ABCB1: variants seen among roughly 807,000 people sequenced by gnomAD.
ABCB1 encodes the protein ATP binding cassette subfamily B member 1.
In ABCB1, 69 loss-of-function variants were observed where a neutral mutation model predicts 142.0. That is an observed-to-expected ratio of 0.49 (90% CI 0.40 to 0.59). ABCB1 has a LOEUF of 0.59. ABCB1 is among the 20% of genes least tolerant of loss of function. The pLI, the probability that ABCB1 is intolerant of heterozygous loss-of-function variation, is 0.00. For missense variants in ABCB1, 1,326 were observed against 1,554.7 expected (o/e 0.85, Z 2.47); for synonymous variants, 532 against 539.2 (o/e 0.99, Z 0.18).
chr7:87,548,067 G>GGAAGA (rs1168197971), intron 14 of ABCB1, among the ~76,000 whole-genome samples: 20 of 140,524 alleles, frequency 1.4e-4, no homozygotes, highest in Admixed American at 7.4e-5. Flanking sequence ...GGAGAGGAGA[G>GGAAGA]GAAGAGAAGA....
At chr7:87,552,611 T>A (rs1039888382) in intron 9 of ABCB1, among the ~76,000 whole-genome samples, 1 of 149,766 alleles carries the variant, frequency 6.7e-6, no homozygotes, top group East Asian at 2.0e-4. Context: ...AAACATCTGT[T>A]ATGACAACCA....
intron 4 of ABCB1, among the ~76,000 whole-genome samples, chr7:87,577,686 G>A (rs1045231637): frequency 2.6e-4 from 40 of 152,156 alleles, no homozygotes; most frequent in Non-Finnish European, 2.6e-4. Context: ...ATGATGTTGA[G>A]CATATTTTCA....
intron 1 of ABCB1, chr7:87,628,746 G>T: frequency 1.1e-6 from 1 of 923,008 alleles, no homozygotes; most frequent in South Asian, 5.6e-5. Context: ...GTTGCGGACC[G>T]AGCGAGAACC....
chr7:87,555,147 A>G (rs1181344569), intron 8 of ABCB1, among the ~76,000 whole-genome samples: 1 of 152,224 alleles, frequency 6.6e-6, no homozygotes, highest in Non-Finnish European at 1.5e-5. Flanking sequence ...CTATGGAGAT[A>G]AGCTAATGGA....
At chr7:87,532,550 T>G (rs1013951265) in intron 20 of ABCB1, among the ~76,000 whole-genome samples, 1 of 152,274 alleles carries the variant, frequency 6.6e-6, no homozygotes, top group East Asian at 1.9e-4. Context: ...ACCAGCGCCA[T>G]GACAATTTAC....
intron 17 of ABCB1, 96 bp from the exon 18 acceptor site, chr7:87,541,560 G>A (rs1816538700): frequency 1.1e-5 from 10 of 878,490 alleles, no homozygotes; most frequent in Non-Finnish European, 1.5e-5. Context: ...TCAGGGGTCA[G>A]GAGAGCCTTA....
At chr7:87,629,237 AAG>A (rs1820956093) in intron 1 of ABCB1, 1 of 320,690 alleles carries the variant, frequency 3.1e-6, no homozygotes, top group South Asian at 1.6e-4. Flanking sequence ...GTCAGAGTGA[AAG>A]AGGAGGGCAA....
At position 87,520,745 on chromosome 7, in the gene ABCB1, C is replaced by T. The variant is rs28401776; in HGVS notation, c.2786+31G>A. ...AATATGATGATTGAAAAATTATTCA[C>T]ACTCTCCTCCCACTCTTCAGCGGTT... is the stretch of plus-strand genomic sequence containing the variant. On this transcript the variant is annotated intron_variant, in intron 22 of 27. Coordinates refer to ENST00000622132, the MANE Select transcript of ABCB1 (RefSeq NM_001348946.2). 2.1e-5 allele frequency: 33 copies of T among 1,564,874 alleles called. No individual in the cohort carries two copies. The African/African-American group carries it at 4.3e-4, about 21-fold the overall frequency.
At chr7:87,698,266 A>AT (rs1404515005) in intron 1 of ABCB1, among the ~76,000 whole-genome samples, 4 of 151,920 alleles carry the variant, frequency 2.6e-5, no homozygotes, top group Non-Finnish European at 5.9e-5. Context: ...TGCCCGGCTA[A>AT]TTTCTTTGCA....
chr7:87,595,865 T>A (rs772132242), intron 2 of ABCB1, 51 bp from the exon 3 acceptor site: 3 of 1,396,376 alleles, frequency 2.1e-6, no homozygotes, highest in Admixed American at 1.7e-5. Flanking sequence ...ACATATTTTT[T>A]AAATTACCCA....
intron 21 of ABCB1, among the ~76,000 whole-genome samples, chr7:87,524,642 G>A (rs931597584): frequency 2.6e-5 from 4 of 151,904 alleles, no homozygotes; most frequent in Admixed American, 6.6e-5. Flanking sequence ...GTTAAATGAC[G>A]AGTTGGTGGG....
upstream of ABCB1, chr7:87,603,083 T>C (rs1487666570): frequency 1.3e-5 from 2 of 152,246 alleles, no homozygotes; most frequent in Non-Finnish European, 2.9e-5. Context: ...CACCAACTTG[T>C]CTATACTCTG....
rs764258847 is a variant in ABCB1, at chr7:87,550,160, G to A, written c.1350+11C>T. The A allele has an allele frequency of 1.2e-6, 2 of 1,614,040 alleles. No homozygotes were observed. The highest frequency in any genetic ancestry group is 1.7e-5 in the Admixed American group (1 of 60,012). On this transcript the variant is annotated intron_variant, in intron 12 of 27. Transcript: ENST00000622132. Reference sequence around the variant, plus strand: ...ATCACCGCAGGGTCTAGCTCGCATGGGTCATCTCACCATCCCCTCTGTGGG... The same window carrying A: ...ATCACCGCAGGGTCTAGCTCGCATGAGTCATCTCACCATCCCCTCTGTGGG...
chr7:87,692,419 T>G (rs1475264031), intron 1 of ABCB1, among the ~76,000 whole-genome samples: 5 of 152,300 alleles, frequency 3.3e-5, no homozygotes, highest in Non-Finnish European at 7.4e-5. Context: ...AATGCATCAC[T>G]GAGCTCCAGC....
chr7:87,548,156 GAA>G lies in ABCB1; in HGVS notation c.1725+1190_1725+1191del. On this transcript the variant is annotated intron_variant, in intron 14 of 27. Transcript: ENST00000622132. ...GGAGGGAAGGGAAGGGGAGGGAAGG[GAA>G]GGGGAGGGAAAGGAAGGGAAGGGAA... Among the ~76,000 whole-genome samples, 3 of 89,794 alleles carry G rather than the reference GAA, an allele frequency of 3.3e-5. 1 individual carries two copies. The highest frequency in any genetic ancestry group is 1.5e-4 in the African/African-American group (3 of 19,970). The allele number at this position is 89,794 out of a possible 152,430, so 58.9% of individuals were successfully genotyped here. A position where few individuals can be genotyped will look rare whatever the true frequency, so the allele number is the denominator to read the frequency against.
At chr7:87,657,448 ATGGGAAGCTTAGAATTC>A (rs1824219297) in intron 1 of ABCB1, among the ~76,000 whole-genome samples, 1 of 152,202 alleles carries the variant, frequency 6.6e-6, no homozygotes, top group Non-Finnish European at 1.5e-5. Flanking sequence ...AAAAGGCTGA[ATGGGAAGCTTAGAATTC>A]CGCCCTCCTG....
intron 25 of ABCB1, among the ~76,000 whole-genome samples, chr7:87,512,570 G>C (rs891990340): frequency 1.3e-5 from 2 of 152,150 alleles, no homozygotes. Flanking sequence ...ACTTCAGGGG[G>C]TCCTTAGGGT....
intron 1 of ABCB1, among the ~76,000 whole-genome samples, chr7:87,688,401 C>T (rs1167444488): frequency 6.6e-6 from 1 of 151,464 alleles, no homozygotes; most frequent in African/African-American, 2.4e-5. Context: ...TACACATAAT[C>T]TTATGTTAAT....
intron 17 of ABCB1, 70 bp from the exon 18 acceptor site, chr7:87,541,534 C>A: frequency 9.3e-7 from 1 of 1,072,122 alleles, no homozygotes; most frequent in Non-Finnish European, 1.4e-6. Flanking sequence ...GACCCATTTC[C>A]CATCTGGCCC....
Sources: allele counts gnomAD v4.1 joint callset (sites outside exome capture counted in the v4.1 genomes callset), GRCh38; gene constraint gnomAD v4.1.1; transcripts MANE v1.5; gene names NCBI Gene and HGNC (gene_info 2026-07-23, HGNC 2026-07-21).